The following MAP2K7 variants were observed in gnomAD, a reference collection of about 807,000 sequenced individuals.
MAP2K7 encodes the protein dual specificity mitogen-activated protein kinase kinase 7.
In MAP2K7, 12 loss-of-function variants were observed where a neutral mutation model predicts 47.7. The ratio of observed to expected loss-of-function variants is 0.25; its 90% CI spans 0.16 to 0.41. The LOEUF (loss-of-function observed/expected upper bound fraction) is 0.41, where lower values mean the gene tolerates loss of function less well. Ranked by LOEUF, MAP2K7 falls within the 10% of genes least tolerant of loss-of-function variation. The probability of loss-of-function intolerance (pLI) is 1.00; values close to 1 mark genes in which losing one functional copy is unlikely to be tolerated. For synonymous variants in MAP2K7, 299 were observed against 243.0 expected (o/e 1.23, Z -2.14); for missense variants, 415 against 600.3 (o/e 0.69, Z 3.23).
chr19:7,911,193 G>A (rs751657972), intron 7 of MAP2K7, 34 bp downstream of exon 7: 43 of 1,607,746 alleles, frequency 2.7e-5, no homozygotes, highest in Admixed American at 2.0e-4. Context: ...GGAGGGGGTG[G>A]GGGCTGGGAG....
At chr19:7,908,578 G>A (rs1416661208) in intron 1 of MAP2K7, among the ~76,000 whole-genome samples, 1 of 152,168 alleles carries the variant, frequency 6.6e-6, no homozygotes, top group Non-Finnish European at 1.5e-5. Flanking sequence ...GGACGAGGCA[G>A]GAGGAAAAGA....
intron 1 of MAP2K7, among the ~76,000 whole-genome samples, chr19:7,905,190 C>T (rs559658465): frequency 1.3e-5 from 2 of 152,206 alleles, no homozygotes; most frequent in Non-Finnish European, 2.9e-5. Flanking sequence ...AAAATTCTCT[C>T]TTGTCTCCTC....
rs1009365508 is a variant in MAP2K7 at position 7,903,898 on chromosome 19, A to G, written c.-47A>G. The G allele has an allele frequency of 1.4e-5, 20 of 1,421,584 alleles. No individual in the cohort carries two copies. The highest frequency in any genetic ancestry group is 1.9e-5 in the Non-Finnish European group (20 of 1,069,738). The allele number at this position is 1,421,584 out of a possible 1,614,324, so 88.1% of individuals were successfully genotyped here. On this transcript the variant is annotated 5_prime_UTR_variant, in exon 1 of 11. Transcript: ENST00000397979. ...GCGCAGTGCGGTGTTTGTCTGCCGG[A>G]CTGACGGGCGGCCGGGCGGTGCGCG... is the stretch of plus-strand genomic sequence containing the variant.
chr19:7,905,683 T>A, intron 1 of MAP2K7: 1 of 787,236 alleles, frequency 1.3e-6, no homozygotes, highest in African/African-American at 1.7e-5. Context: ...TTCCTAGCCA[T>A]CTCTGCAGTT....
chr19:7,904,801 C>T (rs968315656), intron 1 of MAP2K7, among the ~76,000 whole-genome samples: 1 of 152,110 alleles, frequency 6.6e-6, no homozygotes, highest in Admixed American at 6.5e-5. Context: ...TGCACATCGA[C>T]CCCCAGCCAG....
chr19:7,905,255 G>A (rs535615922), intron 1 of MAP2K7, among the ~76,000 whole-genome samples: 8 of 108,516 alleles, frequency 7.4e-5, no homozygotes, highest in African/African-American at 1.8e-4. Flanking sequence ...TATGGCAGGC[G>A]AGAAAGGTAC....
rs748281532 is a variant in MAP2K7 at position 7,911,179 on chromosome 19, C to CG, written c.855+25dup. The CG allele has an allele frequency of 7.2e-7, 1 of 1,385,732 alleles. No individual in the cohort carries two copies. The highest frequency in any genetic ancestry group is 1.2e-5 in the South Asian group (1 of 83,812). 85.8% of individuals were successfully genotyped at this position (1,385,732 alleles called of 1,614,324 possible). A position where few individuals can be genotyped will look rare whatever the true frequency, so the allele number is the denominator to read the frequency against. Reference sequence around the variant, plus strand: ...ATGGCAGTGAGTGGGGGCCCCCCAGCGGGGGAGGGGGTGGGGGCTGGGAGG... The same window carrying CG: ...ATGGCAGTGAGTGGGGGCCCCCCAGCGGGGGGAGGGGGTGGGGGCTGGGAGG... On this transcript the variant is annotated intron_variant, in intron 7 of 10. Coordinates refer to ENST00000397979, the MANE Select transcript of MAP2K7 (RefSeq NM_145185.4).
chr19:7,912,008 G>T lies in MAP2K7; in HGVS notation c.1080-141G>T, dbSNP rs1203812260. On this transcript the variant is annotated intron_variant, in intron 9 of 10. Coordinates refer to ENST00000397979, the MANE Select transcript of MAP2K7 (RefSeq NM_145185.4). ...ACAGTTGCTCCCCGCTGTCAGCCGG[G>T]GTCCTGAGGACATCCACAGCTCCTT... 1.1e-5 allele frequency: 8 copies of T among 730,034 alleles called. No individual in the cohort carries two copies. In the Admixed American group the frequency reaches 1.8e-4, roughly 16 times the overall value. 45.2% of individuals were successfully genotyped at this position (730,034 alleles called of 1,614,324 possible).
Position 7,912,859 on chromosome 19 carries a change from G to C in MAP2K7, c.*428G>C. The C allele has an allele frequency of 1.0e-5, 2 of 194,232 alleles. No individual in the cohort carries two copies. The highest frequency in any genetic ancestry group is 2.2e-5 in the Non-Finnish European group (2 of 92,988). The allele number at this position is 194,232 out of a possible 1,614,324, so 12.0% of individuals were successfully genotyped here. A position where few individuals can be genotyped will look rare whatever the true frequency, so the allele number is the denominator to read the frequency against. ...CCTCTGTCCCCTGCTCTACCTCTCT[G>C]TCCTTGTCTGGCTCTCCCGTCACCC... On this transcript the variant is annotated 3_prime_UTR_variant, in exon 11 of 11. Coordinates refer to ENST00000397979, the MANE Select transcript of MAP2K7 (RefSeq NM_145185.4).
chr19:7,909,651 G>A, intron 1 of MAP2K7, 104 bp from the exon 2 acceptor site: 1 of 648,336 alleles, frequency 1.5e-6, no homozygotes, highest in Non-Finnish European at 2.6e-6. Flanking sequence ...GGAAACCCAG[G>A]AGGGGAAGGT....
At position 7,911,235 on chromosome 19, in the gene MAP2K7, CT is replaced by C. The variant is rs1298332634; in HGVS notation, c.856-14del. ...CCCAGCCTTGGAGATACGTCTTCTCCTCCCCCCCCTGCAGCCCGAGCGCATT... is the reference window on the plus strand; with the variant it reads ...CCCAGCCTTGGAGATACGTCTTCTCCCCCCCCCCTGCAGCCCGAGCGCATT... On this transcript the variant is annotated splice_polypyrimidine_tract_variant and intron_variant, in intron 7 of 10. Coordinates refer to ENST00000397979, the MANE Select transcript of MAP2K7 (RefSeq NM_145185.4). 8.1e-6 allele frequency: 13 copies of C among 1,607,208 alleles called. No homozygotes were observed. Among genetic ancestry groups the C allele is most frequent in the Admixed American group, 1.7e-5 (1 of 59,862 alleles).
rs1005478990 is a variant in MAP2K7 at position 7,913,776 on chromosome 19, A to G, written c.*1345A>G. The G allele has an allele frequency of 5.2e-5, 8 of 152,394 alleles. No individual in the cohort carries two copies. The highest frequency in any genetic ancestry group is 1.7e-4 in the African/African-American group (7 of 41,406). 9.4% of individuals were successfully genotyped at this position (152,394 alleles called of 1,614,324 possible). A position where few individuals can be genotyped will look rare whatever the true frequency, so the allele number is the denominator to read the frequency against. Reference sequence around the variant, plus strand: ...ATAACAAAACAAAAAACAAGAAAAAAAAAACACAAAACCCCGTAAAATCAC... The same window carrying G: ...ATAACAAAACAAAAAACAAGAAAAAGAAAACACAAAACCCCGTAAAATCAC... On this transcript the variant is annotated 3_prime_UTR_variant, in exon 11 of 11. Transcript: ENST00000397979.
chr19:7,910,379 C>T lies in MAP2K7; in HGVS notation c.447+6C>T. ...GCCACGTCATTGCCGTTAAGGTGAG[C>T]CTTGGCGGCTACCCCGGCTGCGCCC... On this transcript the variant is annotated splice_donor_region_variant and intron_variant, in intron 4 of 10. Coordinates refer to ENST00000397979, the MANE Select transcript of MAP2K7 (RefSeq NM_145185.4). 6.2e-7 allele frequency: 1 copy of T among 1,611,042 alleles called. No individual in the cohort carries two copies. Among genetic ancestry groups the T allele is most frequent in the Non-Finnish European group, 8.5e-7 (1 of 1,179,084 alleles).
chr19:7,904,471 C>G (rs1161473945), intron 1 of MAP2K7: 3 of 374,868 alleles, frequency 8.0e-6, no homozygotes, highest in Non-Finnish European at 1.6e-5. Context: ...GCGCCCCCCT[C>G]CCCCGGCCTG....
In MAP2K7 at chr19:7,912,475, C is replaced by A. The variant is rs1245841175; in HGVS notation, c.*44C>A. 1 of 1,569,348 alleles carries A rather than the reference C, an allele frequency of 6.4e-7. No individual in the cohort carries two copies. The highest frequency in any genetic ancestry group is 1.8e-5 in the Admixed American group (1 of 54,926). ...CCCCACAGGGGGCCAGGGGCATGGC[C>A]ACAGGCCCCCCTCCCCACTTGGCCA... On this transcript the variant is annotated 3_prime_UTR_variant, in exon 11 of 11. Transcript: ENST00000397979.
At chr19:7,905,593 G>A (rs1488453403) in intron 1 of MAP2K7, among the ~76,000 whole-genome samples, 5 of 152,164 alleles carry the variant, frequency 3.3e-5, no homozygotes, top group Admixed American at 3.3e-4. Context: ...GTGGCAGGCA[G>A]GCCCCCGAGG....
chr19:7,904,398 GA>G, intron 1 of MAP2K7: 1 of 308,796 alleles, frequency 3.2e-6, no homozygotes, highest in Non-Finnish European at 6.7e-6. Context: ...AGGTCGCCCC[GA>G]AAACACAGAC....
At position 7,913,041 on chromosome 19, in the gene MAP2K7, GCGCT is replaced by G. The variant is rs1248136154; in HGVS notation, c.*612_*615del. The stretch of plus-strand genomic sequence containing the variant: ...TGCGGCTGGACGGGGCTGCGCGCTC[GCGCT>G]CTCTCTCTCTCTCTCTCTCTCTCTT... On this transcript the variant is annotated 3_prime_UTR_variant, in exon 11 of 11. Transcript: ENST00000397979. 1 of 134,886 alleles carries G rather than the reference GCGCT, an allele frequency of 7.4e-6. No individual in the cohort carries two copies. Among genetic ancestry groups the G allele is most frequent in the African/African-American group, 2.7e-5 (1 of 37,420 alleles). 8.4% of individuals were successfully genotyped at this position (134,886 alleles called of 1,614,324 possible). A position where few individuals can be genotyped will look rare whatever the true frequency, so the allele number is the denominator to read the frequency against.
At position 7,912,966 on chromosome 19, in the gene MAP2K7, A is replaced by G. The variant is rs1288898674; in HGVS notation, c.*535A>G. 1.3e-5 allele frequency: 2 copies of G among 158,576 alleles called. No homozygotes were observed. Among genetic ancestry groups the G allele is most frequent in the Non-Finnish European group, 2.8e-5 (2 of 71,674 alleles). 9.8% of individuals were successfully genotyped at this position (158,576 alleles called of 1,614,324 possible). A position where few individuals can be genotyped will look rare whatever the true frequency, so the allele number is the denominator to read the frequency against. Reference sequence around the variant, plus strand: ...TCCCCTGGGTCTGCATAGGTCTCCCATGGCGCAATGAGTCAGTGGCCCCCA... The same window carrying G: ...TCCCCTGGGTCTGCATAGGTCTCCCGTGGCGCAATGAGTCAGTGGCCCCCA... On this transcript the variant is annotated 3_prime_UTR_variant, in exon 11 of 11. Coordinates refer to ENST00000397979, the MANE Select transcript of MAP2K7 (RefSeq NM_145185.4).
Sources: allele counts gnomAD v4.1 joint callset (sites outside exome capture counted in the v4.1 genomes callset), GRCh38; gene constraint gnomAD v4.1.1; transcripts MANE v1.5; gene names NCBI Gene and HGNC (gene_info 2026-07-23, HGNC 2026-07-21).